The following CACNA1C variants were observed in gnomAD, a reference collection of about 807,000 sequenced individuals.
CACNA1C encodes voltage-dependent L-type calcium channel subunit alpha-1C.
Under a neutral mutation model 229.0 loss-of-function variants are expected in CACNA1C, and 30 were observed. The ratio of observed to expected loss-of-function variants is 0.13; its 90% CI spans 0.10 to 0.18. The LOEUF is 0.18. CACNA1C is among the 10% of genes least tolerant of loss of function. The pLI, the probability that CACNA1C is intolerant of heterozygous loss-of-function variation, is 1.00. For missense variants in CACNA1C, 1,658 were observed against 2,845.0 expected, an observed-to-expected ratio of 0.58 and a Z score of 9.49; for synonymous variants, 1,114 against 1,132.5, an observed-to-expected ratio of 0.98 and a Z score of 0.33.
At chr12:2,680,335 T>A in intron 42 of CACNA1C, 1 of 1,486,084 alleles carries the variant, frequency 6.7e-7, no homozygotes, top group Non-Finnish European at 9.1e-7. Flanking sequence ...CACTCTTTTC[T>A]CCTTGTCCTC....
At chr12:2,681,992 G>C in intron 42 of CACNA1C, 1 of 1,611,880 alleles carries the variant, frequency 6.2e-7, no homozygotes, top group Non-Finnish European at 8.5e-7. Flanking sequence ...AGCTCAGGAG[G>C]GATTCAGGCT....
At chr12:2,188,919 C>G (rs11062148) in intron 3 of CACNA1C, among the ~76,000 whole-genome samples, 1 of 151,400 alleles carries the variant, frequency 6.6e-6, no homozygotes, top group Admixed American at 6.6e-5. Context: ...GGTGAAACCC[C>G]GTCTCTACTA....
chr12:2,602,630 T>TGTGTG lies in CACNA1C; in HGVS notation c.2960+670_2960+671insGTGTG, dbSNP rs2073161027. 9.2e-5 allele frequency among the ~76,000 whole-genome samples: 13 copies of TGTGTG among 140,914 alleles called. No individual in the cohort carries two copies. Among genetic ancestry groups the TGTGTG allele is most frequent in the African/African-American group, 3.0e-4 (11 of 36,232 alleles). 92.4% of individuals were successfully genotyped at this position (140,914 alleles called of 152,430 possible). ...GTGTGTGACTGTGTATATTTGTGTC[T>TGTGTG]TGTGTGTGTGTGTGTGTGTGTGTGT... is the stretch of plus-strand genomic sequence containing the variant. On this transcript the variant is annotated intron_variant, in intron 22 of 46. Coordinates refer to ENST00000399655, the MANE Select transcript of CACNA1C (RefSeq NM_000719.7). The surrounding 1 kb of genome is among the most constrained non-coding windows in gnomAD (Gnocchi z 4.4).
chr12:2,095,579 G>T (rs116989975), intron 1 of CACNA1C, among the ~76,000 whole-genome samples: 1 of 152,166 alleles, frequency 6.6e-6, no homozygotes. Context: ...AAGTGCCCTC[G>T]GCCCGAGTCA....
rs147398171 is a variant in CACNA1C, at chr12:2,471,958, C to T, written c.758-14146C>T. ...CCTCCCAGAGTGCTGGGATTACAGGCGTGAGCCACCATGCCTGGCCTGATA... is the reference window on the plus strand; with the variant it reads ...CCTCCCAGAGTGCTGGGATTACAGGTGTGAGCCACCATGCCTGGCCTGATA... On this transcript the variant is annotated intron_variant, in intron 5 of 46. Coordinates refer to ENST00000399655, the MANE Select transcript of CACNA1C (RefSeq NM_000719.7). Among the ~76,000 whole-genome samples, 140 of 152,352 alleles carry T rather than the reference C, an allele frequency of 9.2e-4. 2 individuals carry two copies. The East Asian group carries it at 0.024, about 26-fold the overall frequency.
chr12:2,532,838 G>A (rs1336251961), intron 9 of CACNA1C, among the ~76,000 whole-genome samples: 1 of 152,220 alleles, frequency 6.6e-6, no homozygotes, highest in Non-Finnish European at 1.5e-5. Context: ...GGGCCCAGGT[G>A]AGCCCAAGGT....
chr12:2,584,492 G>C lies in CACNA1C; in HGVS notation c.2225-11G>C. 1 of 1,597,498 alleles carries C rather than the reference G, an allele frequency of 6.3e-7. No individual in the cohort carries two copies. Among genetic ancestry groups the C allele is most frequent in the South Asian group, 1.1e-5 (1 of 90,680 alleles). On this transcript the variant is annotated splice_polypyrimidine_tract_variant and intron_variant, in intron 15 of 46. Transcript: ENST00000399655. Reference sequence around the variant, plus strand: ...CCAAGGGTCATTTTCTTTAAGAATGGACACAAACAGATATCCTACTGAATG... The same window carrying C: ...CCAAGGGTCATTTTCTTTAAGAATGCACACAAACAGATATCCTACTGAATG...
chr12:2,528,700 C>T (rs73046272), intron 9 of CACNA1C, among the ~76,000 whole-genome samples: 3 of 152,256 alleles, frequency 2.0e-5, no homozygotes, highest in Non-Finnish European at 4.4e-5. Flanking sequence ...ATCCACTTCC[C>T]CAAAGATGGG....
At chr12:2,094,977 T>C (rs2073196854) in intron 1 of CACNA1C, among the ~76,000 whole-genome samples, 1 of 152,182 alleles carries the variant, frequency 6.6e-6, no homozygotes, top group Non-Finnish European at 1.5e-5. Flanking sequence ...GGCTGCACCA[T>C]GCTAAGTGCT....
In CACNA1C at chr12:2,611,928, A is replaced by G; in HGVS notation, c.3743A>G (p.Lys1248Arg). The change falls in exon 29 of 47, where the codon AAA becomes AGA. Residue 1248 changes from lysine to arginine, a missense_variant. Lys to Arg is a conservative substitution (Grantham distance 26). Around this residue, in one of 20 missense-constraint regions of CACNA1C, gnomAD observed 67 missense variants for 106.4 expected, o/e 0.63. Coordinates refer to ENST00000399655, the MANE Select transcript of CACNA1C (RefSeq NM_000719.7). ...CACTACGGCCAGAGCTGCCTGTTCA[A>G]AATCGCCATGAACATCCTCAACATG... is the stretch of plus-strand genomic sequence containing the variant. ...MQHYGQSCLF[K>R]IAMNILNMLF... 3 of 1,613,388 alleles carry G rather than the reference A, an allele frequency of 1.9e-6. No individual in the cohort carries two copies. Among genetic ancestry groups the G allele is most frequent in the Non-Finnish European group, 2.5e-6 (3 of 1,179,428 alleles).
chr12:2,173,175 A>T (rs566822833), intron 3 of CACNA1C, among the ~76,000 whole-genome samples: 1 of 152,234 alleles, frequency 6.6e-6, no homozygotes, highest in South Asian at 2.1e-4. Flanking sequence ...GGGATGATGG[A>T]GGGGACTGGG....
chr12:2,370,931 G>A (rs1388680534), intron 3 of CACNA1C, among the ~76,000 whole-genome samples: 1 of 152,184 alleles, frequency 6.6e-6, no homozygotes, highest in African/African-American at 2.4e-5. Flanking sequence ...TGCTCTCCAA[G>A]TTTAAAGAGA....
chr12:2,578,752 G>A lies in CACNA1C; in HGVS notation c.1896-2838G>A, dbSNP rs148419834. Reference sequence around the variant, plus strand: ...GGAAGCAGGAGCTCCATCAGAGCACGAACCCGGTGTTGTGCAGCTTGGACT... The same window carrying A: ...GGAAGCAGGAGCTCCATCAGAGCACAAACCCGGTGTTGTGCAGCTTGGACT... On this transcript the variant is annotated intron_variant, in intron 13 of 46. Coordinates refer to ENST00000399655, the MANE Select transcript of CACNA1C (RefSeq NM_000719.7). Among the ~76,000 whole-genome samples the A allele has an allele frequency of 2.6e-3, 393 of 152,292 alleles. 3 individuals are homozygous for A. The highest frequency in any genetic ancestry group is 8.6e-3 in the African/African-American group (357 of 41,570).
At chr12:2,491,982 C>T (rs1479726150) in intron 6 of CACNA1C, among the ~76,000 whole-genome samples, 1 of 151,820 alleles carries the variant, frequency 6.6e-6, no homozygotes, top group Non-Finnish European at 1.5e-5. Flanking sequence ...CTCTCTCTCT[C>T]TCTCTCTCTC....
chr12:2,198,069 T>C (rs2097463891), intron 3 of CACNA1C, among the ~76,000 whole-genome samples: 1 of 152,210 alleles, frequency 6.6e-6, no homozygotes, highest in African/African-American at 2.4e-5. Flanking sequence ...GCAGCTTGCC[T>C]GGCCCAGAGG....
In CACNA1C at chr12:2,686,282, T is replaced by C. The variant is rs758521795; in HGVS notation, c.5784+13T>C. The C allele has an allele frequency of 6.3e-7, 1 of 1,583,668 alleles. No homozygotes were observed. The highest frequency in any genetic ancestry group is 8.7e-7 in the Non-Finnish European group (1 of 1,153,868). ...GGTTCATCATCAGGTAGCTCACACT[T>C]TTGGACAGGCCACTGTCACCTGCCA... On this transcript the variant is annotated intron_variant, in intron 45 of 46. Coordinates refer to ENST00000399655, the MANE Select transcript of CACNA1C (RefSeq NM_000719.7).
intron 3 of CACNA1C, among the ~76,000 whole-genome samples, chr12:2,131,627 T>C (rs1335380456): frequency 7.2e-6 from 1 of 138,106 alleles, no homozygotes; most frequent in Non-Finnish European, 1.5e-5. Flanking sequence ...GTATGCGGTG[T>C]TATTTCTGAG....
chr12:2,464,292 A>G (rs546073964), intron 5 of CACNA1C, among the ~76,000 whole-genome samples: 11 of 152,310 alleles, frequency 7.2e-5, no homozygotes, highest in African/African-American at 2.6e-4. Context: ...GCGGGGACAG[A>G]GGTAGATAGT....
In CACNA1C at chr12:2,665,528, G is replaced by T; in HGVS notation, c.4399-53G>T. 6.2e-7 allele frequency: 1 copy of T among 1,601,530 alleles called. No homozygotes were observed. Among genetic ancestry groups the T allele is most frequent in the South Asian group, 1.1e-5 (1 of 89,770 alleles). On this transcript the variant is annotated intron_variant, in intron 35 of 46. Transcript: ENST00000399655. The surrounding 1 kb of genome is among the most constrained non-coding windows in gnomAD (Gnocchi z 5.9). Reference sequence around the variant, plus strand: ...CCCAGCTGGCAAGGGGGTTCCAGAGGCAGGTGTGTAGGAAGGTCTTCTCAC... The same window carrying T: ...CCCAGCTGGCAAGGGGGTTCCAGAGTCAGGTGTGTAGGAAGGTCTTCTCAC...
Sources: allele counts gnomAD v4.1 joint callset (sites outside exome capture counted in the v4.1 genomes callset), GRCh38; gene constraint gnomAD v4.1.1; regional missense constraint gnomAD v4.1.1; non-coding constraint Gnocchi (gnomAD v3.1); transcripts MANE v1.5; gene names NCBI Gene and HGNC (gene_info 2026-07-23, HGNC 2026-07-21).